The following PVT1 variants were observed in gnomAD, a reference collection of about 807,000 sequenced individuals.
The protein encoded by PVT1 is Pvt1 oncogene.
At chr8:127,894,238 G>T (rs956633851) in intron 3 of PVT1, among the ~76,000 whole-genome samples, 3 of 152,170 alleles carry the variant, frequency 2.0e-5, no homozygotes, top group Non-Finnish European at 4.4e-5. Context: ...CGGGGTGCCT[G>T]GAGCCTCTGA....
At chr8:127,960,938 G>T (rs1212167762) in intron 3 of PVT1, among the ~76,000 whole-genome samples, 3 of 111,178 alleles carry the variant, frequency 2.7e-5, no homozygotes, top group African/African-American at 3.8e-5. Context: ...GTGTGTGTTT[G>T]GGGGTGGGGG....
Position 127,883,383 on chromosome 8 carries a change from C to T in PVT1, n.373-7206C>T, listed in dbSNP as rs189324120. Among the ~76,000 whole-genome samples the T allele has an allele frequency of 5.3e-5, 8 of 152,202 alleles. No homozygotes were observed. In the East Asian group the frequency reaches 1.4e-3, roughly 26 times the overall value. ...CTGTTGGTGTTGGGTAGGGAATAGA[C>T]GCAGCCTGTTTTTCGTTTTTCTTCC... is the stretch of plus-strand genomic sequence containing the variant. On this transcript the variant is annotated intron_variant and non_coding_transcript_variant, in intron 2 of 10. Coordinates refer to ENST00000651587, the Ensembl canonical transcript of PVT1.
chr8:127,990,249 C>T (rs918898246), intron 4 of PVT1, among the ~76,000 whole-genome samples: 10 of 152,148 alleles, frequency 6.6e-5, no homozygotes, highest in African/African-American at 2.4e-4. Flanking sequence ...CTCCACTATA[C>T]CATGGCTACT....
intron 4 of PVT1, among the ~76,000 whole-genome samples, chr8:128,046,646 T>C (rs1813616916): frequency 6.6e-6 from 1 of 152,234 alleles, no homozygotes; most frequent in Non-Finnish European, 1.5e-5. Flanking sequence ...GCACAGCACC[T>C]GAGAAATACC....
intron 2 of PVT1, among the ~76,000 whole-genome samples, chr8:127,890,143 T>C (rs1815582508): frequency 6.6e-6 from 1 of 152,082 alleles, no homozygotes; most frequent in African/African-American, 2.4e-5. Context: ...TGGTTGTCTT[T>C]AAAAAGAAAC....
intron 2 of PVT1, among the ~76,000 whole-genome samples, chr8:127,879,522 C>T (rs1014200037): frequency 3.3e-5 from 5 of 152,148 alleles, no homozygotes; most frequent in African/African-American, 1.2e-4. Flanking sequence ...GAGCAAGACT[C>T]TATCTCAATT....
intron 3 of PVT1, among the ~76,000 whole-genome samples, chr8:127,902,627 A>G (rs1344024910): frequency 6.6e-6 from 1 of 151,750 alleles, no homozygotes; most frequent in Non-Finnish European, 1.5e-5. Flanking sequence ...TATTGTTCCC[A>G]TCTTTATGCC....
At position 127,898,205 on chromosome 8, in the gene PVT1, A is replaced by G. The variant is rs1488680460; in HGVS notation, n.782+7207A>G. On this transcript the variant is annotated intron_variant and non_coding_transcript_variant, in intron 3 of 10. Coordinates refer to ENST00000651587, the Ensembl canonical transcript of PVT1. This position sits in a 1 kb window ranked among gnomAD's most constrained non-coding sequence, Gnocchi z 4.4. Reference sequence around the variant, plus strand: ...CTGTCCTTTGTACCTGCGTGAAGAAAGAAGAGAAAAGAAAGAAAAGAAAGA... The same window carrying G: ...CTGTCCTTTGTACCTGCGTGAAGAAGGAAGAGAAAAGAAAGAAAAGAAAGA... Among the ~76,000 whole-genome samples the G allele has an allele frequency of 2.0e-5, 3 of 151,938 alleles. No homozygotes were observed. Among genetic ancestry groups the G allele is most frequent in the Non-Finnish European group, 2.9e-5 (2 of 68,004 alleles).
intron 3 of PVT1, among the ~76,000 whole-genome samples, chr8:127,919,098 G>A (rs930842328): frequency 4.6e-5 from 7 of 152,302 alleles, no homozygotes; most frequent in Non-Finnish European, 7.3e-5. Flanking sequence ...GTGATTGCAC[G>A]TCGGGTACCA....
intron 2 of PVT1, among the ~76,000 whole-genome samples, chr8:127,800,985 C>T (rs545417472): frequency 3.9e-5 from 6 of 152,178 alleles, no homozygotes; most frequent in Non-Finnish European, 7.4e-5. Flanking sequence ...GAGGAGCTGA[C>T]GTTAACCTCC....
intron 2 of PVT1, among the ~76,000 whole-genome samples, chr8:127,844,438 G>T (rs891193970): frequency 7.2e-5 from 11 of 152,050 alleles, no homozygotes; most frequent in African/African-American, 2.7e-4. Context: ...TTGCCCATGA[G>T]GCCTTAGAAA....
intron 3 of PVT1, chr8:127,947,514 C>A (rs1361947057): frequency 5.6e-6 from 2 of 359,570 alleles, no homozygotes; most frequent in Non-Finnish European, 1.1e-5. Context: ...CACACTGAGC[C>A]TGTAGGGATT....
chr8:127,807,720 T>C (rs940174202), intron 2 of PVT1, among the ~76,000 whole-genome samples: 2 of 152,222 alleles, frequency 1.3e-5, no homozygotes, highest in South Asian at 4.1e-4. Context: ...AAAATACATA[T>C]GACAAGATGT....
At chr8:128,063,227 C>T (rs1032440611) in intron 4 of PVT1, among the ~76,000 whole-genome samples, 40 of 152,214 alleles carry the variant, frequency 2.6e-4, no homozygotes, top group African/African-American at 8.4e-4. Context: ...TAAATACACA[C>T]GCAGGCCAGG....
chr8:127,986,108 A>G (rs191097661), intron 3 of PVT1, among the ~76,000 whole-genome samples: 2 of 152,280 alleles, frequency 1.3e-5, no homozygotes, highest in Non-Finnish European at 2.9e-5. Flanking sequence ...TGTTCAGGTT[A>G]CCTAGCCCTT....
At chr8:128,049,261 G>A (rs1813657180) in intron 4 of PVT1, 1 of 511,190 alleles carries the variant, frequency 2.0e-6, no homozygotes, top group Non-Finnish European at 4.0e-6. Context: ...ACAGAAGCAG[G>A]TCATTTCGAG....
chr8:128,003,120 G>A (rs974184885), intron 4 of PVT1, among the ~76,000 whole-genome samples: 3 of 146,912 alleles, frequency 2.0e-5, no homozygotes, highest in Middle Eastern at 3.4e-3. Flanking sequence ...TCCTGCCTAA[G>A]CCTCCCGAGT....
intron 2 of PVT1, among the ~76,000 whole-genome samples, chr8:127,818,496 T>C (rs551778482): frequency 1.3e-5 from 2 of 152,276 alleles, no homozygotes; most frequent in African/African-American, 4.8e-5. Flanking sequence ...TTCATTCATG[T>C]ATTACGTCAG....
intron 2 of PVT1, among the ~76,000 whole-genome samples, chr8:127,834,437 T>G (rs1176648202): frequency 6.6e-6 from 1 of 152,144 alleles, no homozygotes; most frequent in Admixed American, 6.5e-5. Context: ...GATTAAAGGC[T>G]TAAACATAAG....
Sources: allele counts gnomAD v4.1 joint callset (sites outside exome capture counted in the v4.1 genomes callset), GRCh38; gene constraint gnomAD v4.1.1; non-coding constraint Gnocchi (gnomAD v3.1); transcripts MANE v1.5; gene names NCBI Gene and HGNC (gene_info 2026-07-23, HGNC 2026-07-21).